HDAC9: variants seen among roughly 807,000 people sequenced by gnomAD.
HDAC9 encodes the protein MEF-2 interacting transcription repressor (MITR) protein.
In HDAC9, 41 loss-of-function variants were observed where a neutral mutation model predicts 139.4. The ratio of observed to expected loss-of-function variants is 0.29; its 90% CI spans 0.23 to 0.38. The LOEUF (loss-of-function observed/expected upper bound fraction) is 0.38, where lower values mean the gene tolerates loss of function less well. HDAC9 is among the 10% of genes least tolerant of loss of function. The probability of loss-of-function intolerance (pLI) is 1.00; values close to 1 mark genes in which losing one functional copy is unlikely to be tolerated. For synonymous variants in HDAC9, 517 were observed against 476.2 expected (o/e 1.09, Z -1.12); for missense variants, 1,147 against 1,297.0 (o/e 0.88, Z 1.78).
At chr7:18,277,228 G>T (rs958176058) in intron 2 of HDAC9, among the ~76,000 whole-genome samples, 4 of 152,196 alleles carry the variant, frequency 2.6e-5, no homozygotes, top group African/African-American at 7.2e-5. Context: ...TCCAGAAGAA[G>T]TAGGAGCGAT....
intron 1 of HDAC9, among the ~76,000 whole-genome samples, chr7:18,463,802 G>A (rs1203629392): frequency 2.0e-5 from 3 of 151,640 alleles, no homozygotes; most frequent in Non-Finnish European, 4.4e-5. Context: ...ATAATTTTTT[G>A]TTTTCCATTT....
At chr7:18,090,931 A>G (rs1306100016) in intron 1 of HDAC9, among the ~76,000 whole-genome samples, 1 of 152,140 alleles carries the variant, frequency 6.6e-6, no homozygotes, top group Non-Finnish European at 1.5e-5. Context: ...ATCCCACTAG[A>G]ATTTTTTTAG....
chr7:18,911,608 T>G (rs1276418295), intron 22 of HDAC9, among the ~76,000 whole-genome samples: 1 of 151,890 alleles, frequency 6.6e-6, no homozygotes, highest in African/African-American at 2.4e-5. Context: ...ATTGTTAGGT[T>G]GTTTATTTGA....
intron 12 of HDAC9, among the ~76,000 whole-genome samples, chr7:18,724,568 G>C (rs1785386054): frequency 6.6e-6 from 1 of 152,104 alleles, no homozygotes; most frequent in Non-Finnish European, 1.5e-5. Context: ...TGGTACTGTA[G>C]ACATCATAAA....
In HDAC9 at chr7:18,558,535, C is replaced by G. The variant is rs139736428; in HGVS notation, c.23-26746C>G. Among the ~76,000 whole-genome samples the G allele has an allele frequency of 4.2e-3, 639 of 152,232 alleles. 5 individuals carry two copies. Among genetic ancestry groups the G allele is most frequent in the African/African-American group, 0.014 (601 of 41,538 alleles). ...CCTAACATACTTGGTTCTGATAATG[C>G]TTGGTTCTGATAATGCCAAGATGAT... On this transcript the variant is annotated intron_variant, in intron 2 of 25. Coordinates refer to ENST00000686413, the MANE Select transcript of HDAC9 (RefSeq NM_178425.4).
chr7:18,292,287 A>G (rs1797858185), intron 1 of HDAC9, among the ~76,000 whole-genome samples: 1 of 152,138 alleles, frequency 6.6e-6, no homozygotes, highest in Non-Finnish European at 1.5e-5. Context: ...TACCCAGCTC[A>G]TAAGGGACAG....
chr7:18,653,912 A>T (rs1038274471), intron 11 of HDAC9, among the ~76,000 whole-genome samples: 1 of 151,946 alleles, frequency 6.6e-6, no homozygotes, highest in Non-Finnish European at 1.5e-5. Context: ...CCTGTCCCCA[A>T]CCCTCCATCC....
At chr7:18,616,687 A>G (rs907996278) in intron 6 of HDAC9, among the ~76,000 whole-genome samples, 10 of 152,212 alleles carry the variant, frequency 6.6e-5, no homozygotes, top group African/African-American at 2.4e-4. Context: ...AAAATAAATA[A>G]TAACAGATGC....
chr7:18,740,519 C>G (rs180816375), intron 13 of HDAC9, among the ~76,000 whole-genome samples: 1 of 152,300 alleles, frequency 6.6e-6, no homozygotes, highest in Non-Finnish European at 1.5e-5. Flanking sequence ...TCTGACTGCT[C>G]CACTAAGCGG....
chr7:18,875,733 G>A (rs1160827694), intron 22 of HDAC9, among the ~76,000 whole-genome samples: 2 of 152,120 alleles, frequency 1.3e-5, no homozygotes, highest in Non-Finnish European at 2.9e-5. Flanking sequence ...TTAAATGTCT[G>A]TATGGCCTTT....
chr7:18,444,868 A>G (rs531721491), intron 1 of HDAC9, among the ~76,000 whole-genome samples: 53 of 152,298 alleles, frequency 3.5e-4, no homozygotes, highest in African/African-American at 1.1e-3. Flanking sequence ...CAAGCTATTT[A>G]TAATCTTTGT....
chr7:18,506,173 ATGT>A (rs1200104207), intron 2 of HDAC9: 2 of 152,200 alleles, frequency 1.3e-5, no homozygotes, highest in African/African-American at 2.4e-5. Flanking sequence ...AGGGGCAATA[ATGT>A]TGTTTAAATG....
chr7:18,193,707 A>G (rs1404935626), intron 2 of HDAC9, among the ~76,000 whole-genome samples: 2 of 151,962 alleles, frequency 1.3e-5, no homozygotes, highest in African/African-American at 4.8e-5. Context: ...CCTTGTTGCT[A>G]TTTATACAGT....
chr7:18,826,091 A>T lies in HDAC9; in HGVS notation c.2323-3070A>T, dbSNP rs78588346. Among the ~76,000 whole-genome samples, 987 of 152,260 alleles carry T rather than the reference A, an allele frequency of 6.5e-3. 13 individuals carry two copies. Among genetic ancestry groups the T allele is most frequent in the African/African-American group, 0.023 (948 of 41,556 alleles). ...AGTGACACAGATTTTAGAAGGACTA[A>T]CACCTTCTCTAGTGTGACAGAGAAT... On this transcript the variant is annotated intron_variant, in intron 17 of 25. Transcript: ENST00000686413.
chr7:18,256,208 C>T (rs898215734), intron 2 of HDAC9, among the ~76,000 whole-genome samples: 2 of 152,084 alleles, frequency 1.3e-5, no homozygotes, highest in African/African-American at 2.4e-5. Flanking sequence ...GATAGTAATG[C>T]TGTTGCTTAA....
At chr7:18,155,073 T>TTTTCTTTCTTTCTTTCTTTC (rs34168137) in intron 1 of HDAC9, among the ~76,000 whole-genome samples, 48 of 148,930 alleles carry the variant, frequency 3.2e-4, no homozygotes, top group African/African-American at 1.2e-3. Context: ...ACAAAGCTTT[T>TTTTCTTTCTTTCTTTCTTTC]TTTCTTTCTT....
chr7:18,791,536 A>G (rs1215902346), intron 16 of HDAC9, among the ~76,000 whole-genome samples: 2 of 152,222 alleles, frequency 1.3e-5, no homozygotes, highest in African/African-American at 4.8e-5. Context: ...TTCAATTTAG[A>G]GGGCAAATGA....
intron 1 of HDAC9, among the ~76,000 whole-genome samples, chr7:18,406,759 C>T (rs1274213039): frequency 6.6e-6 from 1 of 152,068 alleles, no homozygotes; most frequent in East Asian, 1.9e-4. Context: ...AGTAACTACA[C>T]CATATTGTAT....
intron 2 of HDAC9, among the ~76,000 whole-genome samples, chr7:18,555,303 C>G (rs143529423): frequency 1.3e-3 from 198 of 152,220 alleles, no homozygotes; most frequent in African/African-American, 4.2e-3. Flanking sequence ...ATAGAAAAAG[C>G]CTGATACTCA....
Sources: gnomAD v4.1 joint callset for allele counts (sites outside exome capture counted in the v4.1 genomes callset) on GRCh38, gnomAD v4.1.1 for gene constraint, MANE v1.5 for transcripts, NCBI Gene and HGNC (gene_info 2026-07-23, HGNC 2026-07-21) for gene names.